NXN: variants seen among roughly 807,000 people sequenced by gnomAD.
NXN encodes the protein nucleoredoxin, also known as nucleoredoxin 1.
In NXN, 16 loss-of-function variants were observed where a neutral mutation model predicts 48.6. The observed-to-expected ratio is 0.33, with a 90% CI of 0.22 to 0.50. The LOEUF (loss-of-function observed/expected upper bound fraction) is 0.50. Among genes scored for constraint, NXN ranks in the 20% least tolerant of loss-of-function variants. The pLI is 0.98. For synonymous variants in NXN, 281 were observed against 269.6 expected (o/e 1.04, Z -0.41); for missense variants, 492 against 605.5 (o/e 0.81, Z 1.97).
intron 1 of NXN, among the ~76,000 whole-genome samples, chr17:857,842 G>A (rs73291531): frequency 0.01 from 1,549 of 152,200 alleles, 24 homozygotes; most frequent in African/African-American, 0.036. Flanking sequence ...GAGTGAGAAG[G>A]TTATTCCTTT....
rs114669752 is a variant in NXN, at chr17:884,807, C to T, written c.361-58729G>A. ...TGAAGACGGATCCCAAGTGTCTCAA[C>T]AGCTCTGGATGTCCCGATAAAACAT... is the stretch of plus-strand genomic sequence containing the variant. On this transcript the variant is annotated intron_variant, in intron 1 of 7. Transcript: ENST00000336868. 9.6e-3 allele frequency among the ~76,000 whole-genome samples: 1,458 copies of T among 152,306 alleles called. 19 individuals carry two copies. The highest frequency in any genetic ancestry group is 0.033 in the African/African-American group (1,387 of 41,562).
At chr17:970,025 A>T (rs1239620195) in intron 1 of NXN, among the ~76,000 whole-genome samples, 2 of 152,210 alleles carry the variant, frequency 1.3e-5, no homozygotes, top group African/African-American at 4.8e-5. Flanking sequence ...CGACGAAGTG[A>T]AGCTTACGTT....
Position 825,797 on chromosome 17 carries a change from A to G in NXN, c.478+164T>C. 3 of 600,316 alleles carry G rather than the reference A, an allele frequency of 5.0e-6. No individual in the cohort carries two copies. Among genetic ancestry groups the G allele is most frequent in the Non-Finnish European group, 9.0e-6 (3 of 332,756 alleles). 37.2% of individuals were successfully genotyped at this position (600,316 alleles called of 1,614,324 possible). A position where few individuals can be genotyped will look rare whatever the true frequency, so the allele number is the denominator to read the frequency against. ...TGTGAAAATCTTAAAACCATGTCCT[A>G]GGGAATACTATGATTTCACCAAGAC... On this transcript the variant is annotated intron_variant, in intron 2 of 7. Coordinates refer to ENST00000336868, the MANE Select transcript of NXN (RefSeq NM_022463.5). This position sits in a 1 kb window ranked among gnomAD's most constrained non-coding sequence, Gnocchi z 4.1.
At position 821,248 on chromosome 17, in the gene NXN, G is replaced by A. The variant is rs1286485850; in HGVS notation, c.713+1109C>T. 2.6e-5 allele frequency among the ~76,000 whole-genome samples: 2 copies of A among 78,368 alleles called. 1 individual carries two copies. The highest frequency in any genetic ancestry group is 1.5e-4 in the African/African-American group (2 of 12,990). The allele number at this position is 78,368 out of a possible 152,430, so 51.4% of individuals were successfully genotyped here. A position where few individuals can be genotyped will look rare whatever the true frequency, so the allele number is the denominator to read the frequency against. On this transcript the variant is annotated intron_variant, in intron 4 of 7. Transcript: ENST00000336868. ...TTTGGGAACAGGAACATAAGCGGCA[G>A]AGGCCACTGGTGACTCAGTCTAAAC...
rs781202992 is a variant in NXN at position 842,998 on chromosome 17, GAGAAAGAGAGAAAGAA to G, written c.361-16936_361-16921del. On this transcript the variant is annotated intron_variant, in intron 1 of 7. Transcript: ENST00000336868. Reference sequence around the variant, plus strand: ...AGAGAAAGAGAGAAAGAGAGAAAGAGAGAAAGAGAGAAAGAAAGAAAGAAAGAAAGAAAGAAAGAAA... The same window carrying G: ...AGAGAAAGAGAGAAAGAGAGAAAGAGAGAAAGAAAGAAAGAAAGAAAGAAA... Among the ~76,000 whole-genome samples the G allele has an allele frequency of 8.7e-3, 915 of 104,764 alleles. 3 individuals are homozygous for G. The highest frequency in any genetic ancestry group is 0.029 in the South Asian group (90 of 3,120). 68.7% of individuals were successfully genotyped at this position (104,764 alleles called of 152,430 possible). A position where few individuals can be genotyped will look rare whatever the true frequency, so the allele number is the denominator to read the frequency against.
At position 800,340 on chromosome 17, in the gene NXN, A is replaced by G. The variant is rs751124430; in HGVS notation, c.*609T>C. ...CGTGGGAGCTGTTTGTATGATATGA[A>G]CCATTACCTTAGCTACATTTTTCTT... On this transcript the variant is annotated 3_prime_UTR_variant, in exon 8 of 8. Coordinates refer to ENST00000336868, the MANE Select transcript of NXN (RefSeq NM_022463.5). 1 of 152,072 alleles carries G rather than the reference A, an allele frequency of 6.6e-6. No homozygotes were observed. The highest frequency in any genetic ancestry group is 1.5e-5 in the Non-Finnish European group (1 of 68,018). 9.4% of individuals were successfully genotyped at this position (152,072 alleles called of 1,614,324 possible).
chr17:836,597 C>T (rs538352089), intron 1 of NXN, among the ~76,000 whole-genome samples: 9 of 152,278 alleles, frequency 5.9e-5, no homozygotes, highest in African/African-American at 1.2e-4. Context: ...GCACAGGTTC[C>T]GGCTCCAGAG....
At chr17:945,075 GTATTTCTCTT>G (rs1485110036) in intron 1 of NXN, among the ~76,000 whole-genome samples, 3 of 152,112 alleles carry the variant, frequency 2.0e-5, no homozygotes, top group Non-Finnish European at 4.4e-5. Flanking sequence ...TGGGCAGCAA[GTATTTCTCTT>G]TATTTTTTAT....
chr17:939,526 A>G (rs535254504), intron 1 of NXN, among the ~76,000 whole-genome samples: 2 of 152,120 alleles, frequency 1.3e-5, no homozygotes, highest in South Asian at 4.2e-4. Context: ...CTATATTTTT[A>G]GTAGAGATGG....
intron 1 of NXN, among the ~76,000 whole-genome samples, chr17:951,332 AGAGT>A (rs922927677): frequency 1.1e-4 from 17 of 149,888 alleles, no homozygotes; most frequent in African/African-American, 3.4e-4. Flanking sequence ...CCTGAGTGAC[AGAGT>A]GAGACTCCAT....
chr17:815,597 C>T (rs1198702403), intron 5 of NXN, among the ~76,000 whole-genome samples: 3 of 148,458 alleles, frequency 2.0e-5, no homozygotes, highest in East Asian at 2.1e-4. Flanking sequence ...ATGATGAGGG[C>T]GAGTGTCCAC....
intron 1 of NXN, among the ~76,000 whole-genome samples, chr17:957,661 G>A (rs1022916725): frequency 4.7e-5 from 7 of 149,176 alleles, no homozygotes; most frequent in South Asian, 2.1e-4. Flanking sequence ...TCTGCAACCC[G>A]GCCCAGCAGA....
At chr17:954,638 G>C (rs1172849908) in intron 1 of NXN, among the ~76,000 whole-genome samples, 1 of 152,208 alleles carries the variant, frequency 6.6e-6, no homozygotes, top group Non-Finnish European at 1.5e-5. Flanking sequence ...CGAGTGCCAG[G>C]TGCTCAGGTC....
Position 830,064 on chromosome 17 carries a change from T to C in NXN, c.361-3986A>G, listed in dbSNP as rs1476246822. ...ATCACCACACTGTCCTCCACAATGG[T>C]TGAACTAATTGACCCTCCCACCAAC... On this transcript the variant is annotated intron_variant, in intron 1 of 7. Transcript: ENST00000336868. This position sits in a 1 kb window ranked among gnomAD's most constrained non-coding sequence, Gnocchi z 4.2. 6.6e-6 allele frequency among the ~76,000 whole-genome samples: 1 copy of C among 152,066 alleles called. No individual in the cohort carries two copies. The highest frequency in any genetic ancestry group is 2.4e-5 in the African/African-American group (1 of 41,398).
At chr17:946,205 TGCTC>T (rs2069041893) in intron 1 of NXN, among the ~76,000 whole-genome samples, 1 of 40,396 alleles carries the variant, frequency 2.5e-5, no homozygotes. Context: ...GCGCGATCCC[TGCTC>T]ACTGCAAGCT....
intron 1 of NXN, chr17:897,069 A>C: frequency 9.4e-7 from 1 of 1,063,180 alleles, no homozygotes. Flanking sequence ...GTGAGCTTTG[A>C]CAGCCAGGGA....
chr17:944,385 C>CA (rs1156417817), intron 1 of NXN, among the ~76,000 whole-genome samples: 1 of 152,212 alleles, frequency 6.6e-6, no homozygotes, highest in East Asian at 1.9e-4. Flanking sequence ...TCTCTGACTT[C>CA]AAAGCTGAAG....
At chr17:809,423 C>CA (rs1418039372) in intron 5 of NXN, among the ~76,000 whole-genome samples, 1 of 152,174 alleles carries the variant, frequency 6.6e-6, no homozygotes, top group Non-Finnish European at 1.5e-5. Flanking sequence ...GAGACTGTCC[C>CA]ACGGTTTAGT....
intron 5 of NXN, among the ~76,000 whole-genome samples, chr17:815,374 G>A (rs35801297): frequency 2.0e-5 from 3 of 151,124 alleles, no homozygotes; most frequent in African/African-American, 4.9e-5. Flanking sequence ...TGAAGGCGAC[G>A]AGGCACTCAC....
Sources: allele counts gnomAD v4.1 joint callset (sites outside exome capture counted in the v4.1 genomes callset), GRCh38; gene constraint gnomAD v4.1.1; non-coding constraint Gnocchi (gnomAD v3.1); transcripts MANE v1.5; gene names NCBI Gene and HGNC (gene_info 2026-07-23, HGNC 2026-07-21).